ATP8A1: variants seen among roughly 807,000 people sequenced by gnomAD.
ATP8A1 encodes the protein ATPase phospholipid transporting 8A1, also known as phospholipid-transporting ATPase IA.
A neutral mutation model predicts 177.7 loss-of-function variants in ATP8A1; 90 were observed. The observed-to-expected ratio is 0.51, with a 90% CI of 0.43 to 0.60. The LOEUF (loss-of-function observed/expected upper bound fraction) is 0.60, where lower values mean the gene tolerates loss of function less well. Among genes scored for constraint, ATP8A1 ranks in the 20% least tolerant of loss-of-function variants. ATP8A1 has a pLI of 0.00. For missense variants in ATP8A1, 1,072 were observed against 1,392.8 expected, an observed-to-expected ratio of 0.77 and a Z score of 3.67; for synonymous variants, 493 against 485.9, an observed-to-expected ratio of 1.01 and a Z score of -0.19.
intron 24 of ATP8A1, among the ~76,000 whole-genome samples, chr4:42,501,198 G>A (rs1421212548): frequency 6.6e-6 from 1 of 152,084 alleles, no homozygotes; most frequent in Non-Finnish European, 1.5e-5. Context: ...AAAAGATGAG[G>A]AAATAGTATT....
At chr4:42,512,293 G>A (rs1047285626) in intron 22 of ATP8A1, among the ~76,000 whole-genome samples, 1 of 152,166 alleles carries the variant, frequency 6.6e-6, no homozygotes, top group Admixed American at 6.5e-5. Flanking sequence ...TTAAACTTTT[G>A]TGTCTGTTCT....
chr4:42,486,598 C>T (rs189560206), intron 24 of ATP8A1, among the ~76,000 whole-genome samples: 78 of 152,206 alleles, frequency 5.1e-4, no homozygotes, highest in Non-Finnish European at 9.4e-4. Context: ...TGTTAAAAAT[C>T]GTGTTAATTT....
At chr4:42,446,781 A>AC (rs1215070172) in intron 30 of ATP8A1, 137 bp from the exon 31 acceptor site, 49 of 687,028 alleles carry the variant, frequency 7.1e-5, no homozygotes, top group Non-Finnish European at 9.5e-5. Context: ...TTAAAAAAAA[A>AC]AACAACCCCA....
In ATP8A1 at chr4:42,576,475, CAAAAAAAAAA is replaced by C. The variant is rs1159794343; in HGVS notation, c.1129-786_1129-777del. Among the ~76,000 whole-genome samples, 97 of 32,400 alleles carry C rather than the reference CAAAAAAAAAA, an allele frequency of 3.0e-3. 1 individual carries two copies. The South Asian group carries it at 0.049, about 16-fold the overall frequency. 21.3% of individuals were successfully genotyped at this position (32,400 alleles called of 152,430 possible). ...TGGGCGACAGAGCAAGACGCCGTCT[CAAAAAAAAAA>C]AAAAAAAAAAAAAAAAAAAAAGAGC... On this transcript the variant is annotated intron_variant, in intron 12 of 36. Transcript: ENST00000381668.
intron 5 of ATP8A1, among the ~76,000 whole-genome samples, chr4:42,615,193 T>C (rs777383569): frequency 6.6e-6 from 1 of 152,220 alleles, no homozygotes; most frequent in Non-Finnish European, 1.5e-5. Flanking sequence ...TATTAATTAG[T>C]AAATATATCA....
At chr4:42,513,215 A>T (rs1229621379) in intron 22 of ATP8A1, among the ~76,000 whole-genome samples, 1 of 152,158 alleles carries the variant, frequency 6.6e-6, no homozygotes, top group East Asian at 1.9e-4. Context: ...CTCAGGTACC[A>T]ATTCTCTTTC....
At chr4:42,608,898 A>T (rs962637747) in intron 5 of ATP8A1, among the ~76,000 whole-genome samples, 2 of 151,958 alleles carry the variant, frequency 1.3e-5, no homozygotes, top group Non-Finnish European at 2.9e-5. Context: ...CACTATATAG[A>T]CTCTTACTTC....
At chr4:42,448,021 T>C (rs1354729055) in intron 30 of ATP8A1, among the ~76,000 whole-genome samples, 2 of 152,218 alleles carry the variant, frequency 1.3e-5, no homozygotes, top group East Asian at 1.9e-4. Context: ...AGTTTTTATG[T>C]GGTTTATGTC....
At chr4:42,594,145 C>A (rs904848223) in intron 6 of ATP8A1, 4 of 494,736 alleles carry the variant, frequency 8.1e-6, no homozygotes, top group Non-Finnish European at 1.4e-5. Context: ...TAAGTCCAAT[C>A]AATTTTTTAA....
intron 12 of ATP8A1, among the ~76,000 whole-genome samples, chr4:42,577,518 C>A (rs566211830): frequency 1.3e-5 from 2 of 151,944 alleles, no homozygotes; most frequent in African/African-American, 2.4e-5. Context: ...AAAGAAACAT[C>A]AAAAATAACA....
chr4:42,532,890 G>T (rs550689954), intron 20 of ATP8A1, among the ~76,000 whole-genome samples: 1 of 152,274 alleles, frequency 6.6e-6, no homozygotes, highest in Non-Finnish European at 1.5e-5. Flanking sequence ...TCACCCTTAA[G>T]AAGGTACTTT....
At chr4:42,649,399 G>T (rs542156832) in intron 1 of ATP8A1, among the ~76,000 whole-genome samples, 10 of 151,916 alleles carry the variant, frequency 6.6e-5, no homozygotes, top group Non-Finnish European at 1.5e-4. Context: ...TATCTTTTCT[G>T]GAAAATAGTT....
chr4:42,476,086 C>T (rs1721031494), intron 25 of ATP8A1, among the ~76,000 whole-genome samples: 1 of 151,964 alleles, frequency 6.6e-6, no homozygotes, highest in South Asian at 2.1e-4. Context: ...ACCTGTTGTT[C>T]AGCTACTAAG....
At chr4:42,610,750 T>C (rs551030785) in intron 5 of ATP8A1, among the ~76,000 whole-genome samples, 5 of 152,170 alleles carry the variant, frequency 3.3e-5, no homozygotes, top group Admixed American at 6.5e-5. Flanking sequence ...ATAAAGCTTA[T>C]AGATGTCTGA....
intron 20 of ATP8A1, among the ~76,000 whole-genome samples, chr4:42,528,760 C>T (rs1726964608): frequency 6.6e-6 from 1 of 152,154 alleles, no homozygotes; most frequent in African/African-American, 2.4e-5. Flanking sequence ...CAAGATATCA[C>T]ACTGGTCCAT....
At chr4:42,448,828 G>GTTTTT (rs55946444) in intron 30 of ATP8A1, among the ~76,000 whole-genome samples, 35 of 84,228 alleles carry the variant, frequency 4.2e-4, no homozygotes, top group African/African-American at 1.4e-3. Context: ...TGTACTTTGC[G>GTTTTT]TTTTTTTTTT....
At chr4:42,609,275 C>A (rs1577694775) in intron 5 of ATP8A1, among the ~76,000 whole-genome samples, 1 of 152,252 alleles carries the variant, frequency 6.6e-6, no homozygotes, top group South Asian at 2.1e-4. Context: ...TGAGTCCCAG[C>A]AATCTGTGTT....
At chr4:42,575,747 T>C (rs1409189715) in intron 12 of ATP8A1, 48 bp from the exon 13 acceptor site, 3 of 1,499,080 alleles carry the variant, frequency 2.0e-6, no homozygotes, top group South Asian at 1.2e-5. Flanking sequence ...TAATAAGGAA[T>C]TGGGTGAAAC....
intron 22 of ATP8A1, among the ~76,000 whole-genome samples, chr4:42,515,832 T>A (rs1411618284): frequency 6.6e-6 from 1 of 152,224 alleles, no homozygotes; most frequent in Non-Finnish European, 1.5e-5. Context: ...TTCCAACCCA[T>A]GATTTTCTCA....
Sources: allele counts gnomAD v4.1 joint callset (sites outside exome capture counted in the v4.1 genomes callset), GRCh38; gene constraint gnomAD v4.1.1; transcripts MANE v1.5; gene names NCBI Gene and HGNC (gene_info 2026-07-23, HGNC 2026-07-21).